The following KIAA0319L variants were observed in gnomAD, a reference collection of about 807,000 sequenced individuals.
KIAA0319L encodes KIAA0319 like.
A neutral mutation model predicts 120.1 loss-of-function variants in KIAA0319L; 55 were observed. That is an observed-to-expected ratio of 0.46 (90% CI 0.37 to 0.57). The LOEUF (loss-of-function observed/expected upper bound fraction) is 0.57, where lower values mean the gene tolerates loss of function less well. Ranked by LOEUF, KIAA0319L falls within the 20% of genes least tolerant of loss-of-function variation. KIAA0319L has a pLI of 0.00. For synonymous variants in KIAA0319L, 398 were observed against 471.9 expected, an observed-to-expected ratio of 0.84 and a Z score of 2.03; for missense variants, 1,049 against 1,255.3, an observed-to-expected ratio of 0.84 and a Z score of 2.48.
At chr1:35,518,303 A>G (rs966658861) in intron 2 of KIAA0319L, among the ~76,000 whole-genome samples, 11 of 152,338 alleles carry the variant, frequency 7.2e-5, no homozygotes, top group Middle Eastern at 6.8e-3. Context: ...CAGCAAAGAC[A>G]TGGAATCAAC....
chr1:35,484,767 C>CATATATATATATATAT (rs56318513), intron 3 of KIAA0319L, among the ~76,000 whole-genome samples: 1 of 51,520 alleles, frequency 1.9e-5, no homozygotes, highest in Non-Finnish European at 3.5e-5. Context: ...AGTTTTTAAT[C>CATATATATATATATAT]ATATATATAT....
At chr1:35,542,281 G>A (rs1220838164) in intron 2 of KIAA0319L, among the ~76,000 whole-genome samples, 1 of 152,144 alleles carries the variant, frequency 6.6e-6, no homozygotes, top group Non-Finnish European at 1.5e-5. Context: ...CCATTTTATA[G>A]ATGAAGAACC....
intron 9 of KIAA0319L, 35 bp from the exon 10 acceptor site, chr1:35,456,276 G>C (rs948185075): frequency 1.5e-6 from 2 of 1,362,196 alleles, no homozygotes; most frequent in East Asian, 4.7e-5. Flanking sequence ...GATCAGGGAC[G>C]GGTTTAAGGA....
intron 3 of KIAA0319L, among the ~76,000 whole-genome samples, chr1:35,499,409 G>GA (rs1163729419): frequency 2.0e-5 from 3 of 152,094 alleles, no homozygotes; most frequent in African/African-American, 7.2e-5. Flanking sequence ...CACCGTGTGA[G>GA]AACATAGCTA....
At chr1:35,455,894 G>T in intron 10 of KIAA0319L, 119 bp downstream of exon 10, 2 of 772,512 alleles carry the variant, frequency 2.6e-6, no homozygotes, top group Non-Finnish European at 4.3e-6. Flanking sequence ...AAAGATTTTT[G>T]CTACCACGTT....
intron 3 of KIAA0319L, among the ~76,000 whole-genome samples, chr1:35,504,459 G>A (rs534891587): frequency 2.6e-5 from 4 of 152,286 alleles, no homozygotes; most frequent in Admixed American, 6.5e-5. Flanking sequence ...GCCTCCCAAA[G>A]TGCTGGGATT....
chr1:35,481,436 C>T (rs1323159689), intron 3 of KIAA0319L, among the ~76,000 whole-genome samples: 1 of 152,134 alleles, frequency 6.6e-6, no homozygotes, highest in Non-Finnish European at 1.5e-5. Context: ...ACAACTTCAC[C>T]AACACTTGGT....
chr1:35,433,716 T>A lies in KIAA0319L; in HGVS notation c.*1178A>T, dbSNP rs1228874728. The A allele has an allele frequency of 6.6e-6, 1 of 152,310 alleles. No individual in the cohort carries two copies. Among genetic ancestry groups the A allele is most frequent in the African/African-American group, 2.4e-5 (1 of 41,442 alleles). The allele number at this position is 152,310 out of a possible 1,614,324, so 9.4% of individuals were successfully genotyped here. A position where few individuals can be genotyped will look rare whatever the true frequency, so the allele number is the denominator to read the frequency against. ...GCCTTGTGAGCAGCCAAGAGCCCAA[T>A]GAGTTGATGCATACGCGCTCACTCT... On this transcript the variant is annotated 3_prime_UTR_variant, in exon 21 of 21. Coordinates refer to ENST00000325722, the MANE Select transcript of KIAA0319L (RefSeq NM_024874.5).
chr1:35,507,469 T>C (rs981436319), intron 2 of KIAA0319L, among the ~76,000 whole-genome samples: 13 of 152,144 alleles, frequency 8.5e-5, no homozygotes, highest in African/African-American at 3.1e-4. Context: ...TGGAAGCATA[T>C]GCAGGGAAGT....
At chr1:35,447,434 T>C (rs1485038375) in intron 16 of KIAA0319L, among the ~76,000 whole-genome samples, 1 of 152,128 alleles carries the variant, frequency 6.6e-6, no homozygotes, top group Non-Finnish European at 1.5e-5. Flanking sequence ...CCACTAAGCT[T>C]GAACCAAGTG....
At chr1:35,493,320 A>G (rs999266215) in intron 3 of KIAA0319L, among the ~76,000 whole-genome samples, 28 of 152,190 alleles carry the variant, frequency 1.8e-4, no homozygotes, top group African/African-American at 6.8e-4. Flanking sequence ...ACACAAATAT[A>G]TATACCTACT....
At chr1:35,540,187 G>A (rs1350602761) in intron 2 of KIAA0319L, among the ~76,000 whole-genome samples, 1 of 152,196 alleles carries the variant, frequency 6.6e-6, no homozygotes, top group Non-Finnish European at 1.5e-5. Flanking sequence ...ATAGGCCTTG[G>A]CTGGCATTCC....
intron 16 of KIAA0319L, 138 bp from the exon 17 acceptor site, chr1:35,444,441 G>A (rs982759859): frequency 2.7e-5 from 22 of 803,674 alleles, no homozygotes; most frequent in Middle Eastern, 3.1e-4. Context: ...AAGCCAGTGA[G>A]AAAGGTGTTA....
chr1:35,467,801 G>T (rs1235336293), intron 6 of KIAA0319L, among the ~76,000 whole-genome samples: 3 of 151,546 alleles, frequency 2.0e-5, no homozygotes, highest in Admixed American at 6.6e-5. Flanking sequence ...TGATTCTCAT[G>T]CCTTAGCCTC....
intron 3 of KIAA0319L, among the ~76,000 whole-genome samples, chr1:35,496,029 G>A (rs1339830625): frequency 2.6e-5 from 4 of 152,174 alleles, no homozygotes; most frequent in African/African-American, 9.7e-5. Flanking sequence ...GCAAGAATGT[G>A]GAGCAACTGG....
intron 2 of KIAA0319L, among the ~76,000 whole-genome samples, chr1:35,527,010 T>A (rs1646174094): frequency 6.6e-6 from 1 of 152,198 alleles, no homozygotes; most frequent in Non-Finnish European, 1.5e-5. Flanking sequence ...CCCAGGAGGT[T>A]GAGGCTGTTC....
In KIAA0319L at chr1:35,442,278, G is replaced by A; in HGVS notation, c.2838C>T (p.Ile946=). 2 of 1,613,766 alleles carry A rather than the reference G, an allele frequency of 1.2e-6. No homozygotes were observed. The highest frequency in any genetic ancestry group is 1.7e-6 in the Non-Finnish European group (2 of 1,179,658). The stretch of plus-strand genomic sequence containing the variant: ...AACAACAGATCACAGTCCAAGACAG[G>A]ATTCCCAAGGCAACAACAATGACAA... ...ATFVIVVALG[I]LSWTVICCCK... The change falls in exon 19 of 21, where the codon ATC becomes ATT. Residue 946 remains isoleucine, a synonymous_variant. Transcript: ENST00000325722.
intron 4 of KIAA0319L, 24 bp from the exon 5 acceptor site, chr1:35,474,930 G>A (rs1643850824): frequency 7.8e-7 from 1 of 1,287,716 alleles, no homozygotes; most frequent in Admixed American, 1.7e-5. Flanking sequence ...AAATATACCA[G>A]AGATAAGAAA....
upstream of KIAA0319L, chr1:35,557,637 CCA>C (rs1648328145): frequency 2.2e-6 from 1 of 456,068 alleles, no homozygotes; most frequent in African/African-American, 2.0e-5. Flanking sequence ...GCCCCAGCCC[CCA>C]GACTCGGGCA....
Sources: allele counts gnomAD v4.1 joint callset (sites outside exome capture counted in the v4.1 genomes callset), GRCh38; gene constraint gnomAD v4.1.1; transcripts MANE v1.5; gene names NCBI Gene and HGNC (gene_info 2026-07-23, HGNC 2026-07-21).